The following SNAP25 variants were observed in gnomAD, a reference collection of about 807,000 sequenced individuals.
SNAP25 encodes synaptosomal-associated protein 25.
In SNAP25, 3 loss-of-function variants were observed where a neutral mutation model predicts 28.7. The ratio of observed to expected loss-of-function variants is 0.10; its 90% CI spans 0.05 to 0.27. The LOEUF (loss-of-function observed/expected upper bound fraction) is 0.27, where lower values mean the gene tolerates loss of function less well. SNAP25 is among the 10% of genes least tolerant of loss of function. SNAP25 has a pLI of 1.00. For synonymous variants in SNAP25, 61 were observed against 88.1 expected, an observed-to-expected ratio of 0.69 and a Z score of 1.72; for missense variants, 117 against 278.7, an observed-to-expected ratio of 0.42 and a Z score of 4.13.
chr20:10,292,983 A>T, intron 4 of SNAP25, 178 bp from the exon 5 acceptor site: 1 of 1,610,432 alleles, frequency 6.2e-7, no homozygotes, highest in Non-Finnish European at 8.5e-7. Context: ...TGGCCTTTTC[A>T]TATGTCCTTG....
intron 1 of SNAP25, among the ~76,000 whole-genome samples, chr20:10,238,854 G>A (rs1231896706): frequency 4.0e-5 from 6 of 151,758 alleles, no homozygotes; most frequent in African/African-American, 4.9e-5. Flanking sequence ...GCGGTGAGCC[G>A]AGATCATAGC....
intron 1 of SNAP25, among the ~76,000 whole-genome samples, chr20:10,241,060 G>A (rs901415071): frequency 6.6e-6 from 1 of 152,300 alleles, no homozygotes; most frequent in African/African-American, 2.4e-5. Flanking sequence ...AGAGTCTAGG[G>A]CTGCGTGCCC....
intron 1 of SNAP25, among the ~76,000 whole-genome samples, chr20:10,226,956 C>T (rs1832603137): frequency 6.6e-6 from 1 of 152,074 alleles, no homozygotes; most frequent in South Asian, 2.1e-4. Flanking sequence ...AAACATGGTA[C>T]CTCCTGGGCC....
intron 1 of SNAP25, among the ~76,000 whole-genome samples, chr20:10,268,491 C>T (rs924774196): frequency 1.3e-5 from 2 of 152,190 alleles, no homozygotes. Context: ...TGAGACATTC[C>T]TGTCCTTTGG....
chr20:10,286,413 G>A (rs938708838), intron 4 of SNAP25, among the ~76,000 whole-genome samples: 1 of 152,194 alleles, frequency 6.6e-6, no homozygotes, highest in Admixed American at 6.5e-5. Context: ...TTCAGACTAT[G>A]AAGCAGGTCT....
chr20:10,225,568 T>A (rs1470575444), intron 1 of SNAP25, among the ~76,000 whole-genome samples: 2 of 152,164 alleles, frequency 1.3e-5, no homozygotes, highest in East Asian at 3.9e-4. Context: ...TGGAAAAATA[T>A]ATTTCATCCT....
intron 1 of SNAP25, among the ~76,000 whole-genome samples, chr20:10,269,346 G>C (rs1442998916): frequency 6.6e-6 from 1 of 152,142 alleles, no homozygotes; most frequent in Non-Finnish European, 1.5e-5. Flanking sequence ...AGGTTGCAGT[G>C]AGCCAAGATT....
chr20:10,285,530 T>C (rs1173754882), intron 4 of SNAP25, among the ~76,000 whole-genome samples: 1 of 152,230 alleles, frequency 6.6e-6, no homozygotes, highest in African/African-American at 2.4e-5. Context: ...ATAAACAGAT[T>C]TCTGCAAAGT....
At chr20:10,288,172 A>C (rs2063922693) in intron 4 of SNAP25, among the ~76,000 whole-genome samples, 1 of 151,958 alleles carries the variant, frequency 6.6e-6, no homozygotes, top group African/African-American at 2.4e-5. Flanking sequence ...TAATAAAATA[A>C]AAAAATTTAA....
chr20:10,258,390 AC>A (rs1244551713), intron 1 of SNAP25, among the ~76,000 whole-genome samples: 1 of 152,142 alleles, frequency 6.6e-6, no homozygotes, highest in Non-Finnish European at 1.5e-5. Context: ...CATGTTTTTA[AC>A]TTTTTGAAAG....
At chr20:10,265,736 G>A (rs117439039) in intron 1 of SNAP25, among the ~76,000 whole-genome samples, 1 of 152,274 alleles carries the variant, frequency 6.6e-6, no homozygotes, top group Non-Finnish European at 1.5e-5. Context: ...ATAACATCGC[G>A]TGGTCAAGAG....
At chr20:10,229,192 A>C (rs1342016911) in intron 1 of SNAP25, among the ~76,000 whole-genome samples, 2 of 152,144 alleles carry the variant, frequency 1.3e-5, no homozygotes, top group Non-Finnish European at 2.9e-5. Context: ...TCTGTAAGCT[A>C]TTTAGTGAAC....
chr20:10,299,032 TA>T (rs2064174897), intron 6 of SNAP25, among the ~76,000 whole-genome samples: 1 of 152,206 alleles, frequency 6.6e-6, no homozygotes, highest in Admixed American at 6.5e-5. Context: ...AGAAAGTAGA[TA>T]AATTAATCTA....
intron 1 of SNAP25, among the ~76,000 whole-genome samples, chr20:10,267,549 T>C (rs528680358): frequency 0.036 from 5,509 of 151,844 alleles, 341 homozygotes; most frequent in African/African-American, 0.12. Flanking sequence ...TTTTTGTTTG[T>C]TTGTTTCTTT....
intron 1 of SNAP25, among the ~76,000 whole-genome samples, chr20:10,235,651 A>G (rs939973310): frequency 6.6e-6 from 1 of 152,210 alleles, no homozygotes; most frequent in Admixed American, 6.5e-5. Context: ...TTAAAACAGC[A>G]ACCATTTCTT....
intron 1 of SNAP25, among the ~76,000 whole-genome samples, chr20:10,234,317 A>C (rs2062879593): frequency 6.6e-6 from 1 of 152,200 alleles, no homozygotes. Flanking sequence ...ATTTGATGAC[A>C]GAGCCAGTTC....
At chr20:10,297,980 C>A (rs2064150264) in intron 6 of SNAP25, among the ~76,000 whole-genome samples, 1 of 150,406 alleles carries the variant, frequency 6.6e-6, no homozygotes. Context: ...AGGGGCATTT[C>A]CTTTAAAAAA....
At chr20:10,256,573 G>T (rs1406238540) in intron 1 of SNAP25, among the ~76,000 whole-genome samples, 2 of 152,098 alleles carry the variant, frequency 1.3e-5, no homozygotes, top group Non-Finnish European at 2.9e-5. Context: ...ATGAGCCTTT[G>T]TTGAAAGCAC....
intron 2 of SNAP25, among the ~76,000 whole-genome samples, chr20:10,276,324 T>A (rs535061081): frequency 6.6e-6 from 1 of 152,224 alleles, no homozygotes; most frequent in African/African-American, 2.4e-5. Flanking sequence ...AGAGTAAGAG[T>A]ATTTATCACC....
Sources: gnomAD v4.1 joint callset for allele counts (sites outside exome capture counted in the v4.1 genomes callset) on GRCh38, gnomAD v4.1.1 for gene constraint, MANE v1.5 for transcripts, NCBI Gene and HGNC (gene_info 2026-07-23, HGNC 2026-07-21) for gene names.